GATA4: variants seen among roughly 807,000 people sequenced by gnomAD.
GATA4 encodes transcription factor GATA-4.
A neutral mutation model predicts 37.9 loss-of-function variants in GATA4; 7 were observed. The observed-to-expected ratio is 0.18, with a 90% CI of 0.11 to 0.35. GATA4 has a LOEUF of 0.35. Ranked by LOEUF, GATA4 falls within the 10% of genes least tolerant of loss-of-function variation. The pLI is 1.00. For missense variants in GATA4, 647 were observed against 653.0 expected (o/e 0.99, Z 0.10); for synonymous variants, 372 against 292.6 (o/e 1.27, Z -2.77).
At chr8:11,692,971 C>A (rs1292403892) in intron 1 of GATA4, 1 of 985,206 alleles carries the variant, frequency 1.0e-6, no homozygotes, top group African/African-American at 1.7e-5. Flanking sequence ...GGCGCCGGCC[C>A]CGCGGCCATC....
chr8:11,734,311 C>T (rs912895463), intron 2 of GATA4, among the ~76,000 whole-genome samples: 2 of 152,088 alleles, frequency 1.3e-5, no homozygotes, highest in African/African-American at 4.8e-5. Context: ...AACAGAATAC[C>T]ATAGAATGTG....
At chr8:11,747,612 T>C (rs1008831843) in intron 2 of GATA4, among the ~76,000 whole-genome samples, 1 of 152,126 alleles carries the variant, frequency 6.6e-6, no homozygotes, top group African/African-American at 2.4e-5. Context: ...AGTTAGCAAA[T>C]TCCAAGAACT....
chr8:11,736,362 G>C (rs757798431), intron 2 of GATA4, among the ~76,000 whole-genome samples: 2 of 152,228 alleles, frequency 1.3e-5, no homozygotes, highest in African/African-American at 2.4e-5. Flanking sequence ...CTGCACTTTT[G>C]AGTTGTGGAG....
In GATA4 at chr8:11,750,104, C is replaced by G. The variant is rs778975774; in HGVS notation, c.787-7C>G. ...TGGACATGAAGCATTTGTTTCCTGTCTTGCAGTCCGCCTCCCGCCGAGTGG... is the reference window on the plus strand; with the variant it reads ...TGGACATGAAGCATTTGTTTCCTGTGTTGCAGTCCGCCTCCCGCCGAGTGG... On this transcript the variant is annotated splice_region_variant and splice_polypyrimidine_tract_variant and intron_variant, in intron 3 of 6. Transcript: ENST00000532059. 1 of 1,614,122 alleles carries G rather than the reference C, an allele frequency of 6.2e-7. No individual in the cohort carries two copies.
intron 1 of GATA4, among the ~76,000 whole-genome samples, chr8:11,704,900 T>G (rs901332981): frequency 2.0e-5 from 3 of 152,186 alleles, no homozygotes; most frequent in African/African-American, 7.2e-5. Flanking sequence ...GACTGAATGC[T>G]CCTCTGGAAG....
rs548961496 is a variant in GATA4 at position 11,681,168 on chromosome 8, C to T, written c.-274+4105C>T. Reference sequence around the variant, plus strand: ...CTCCAGCTCCGTTCTGTTCGCAGAACCTTCGGGGGTTAGTCACAGGCCCTG... The same window carrying T: ...CTCCAGCTCCGTTCTGTTCGCAGAATCTTCGGGGGTTAGTCACAGGCCCTG... On this transcript the variant is annotated intron_variant, in intron 1 of 6. Transcript: ENST00000528712. The T allele has an allele frequency of 5.7e-5, 56 of 985,400 alleles. 2 individuals carry two copies. In the South Asian group the frequency reaches 2.4e-3, roughly 42 times the overall value. 61.0% of individuals were successfully genotyped at this position (985,400 alleles called of 1,614,324 possible).
chr8:11,687,709 C>G (rs1366737149), upstream of GATA4, among the ~76,000 whole-genome samples: 2 of 152,160 alleles, frequency 1.3e-5, no homozygotes, highest in Non-Finnish European at 2.9e-5. Flanking sequence ...CAAGTGCTGC[C>G]TCCCTCACCC....
chr8:11,755,276 AG>A, intron 5 of GATA4, 143 bp downstream of exon 5: 1 of 682,474 alleles, frequency 1.5e-6, no homozygotes, highest in East Asian at 2.7e-5. Flanking sequence ...CTTTCAGGAC[AG>A]GATGAAGAGC....
intron 1 of GATA4, among the ~76,000 whole-genome samples, chr8:11,685,658 C>T (rs1799111690): frequency 6.6e-6 from 1 of 152,206 alleles, no homozygotes; most frequent in Admixed American, 6.5e-5. Context: ...AGAGATTCCC[C>T]TCCCCATTTA....
Position 11,739,622 on chromosome 8 carries a change from A to G in GATA4, c.617-9294A>G, listed in dbSNP as rs1375514198. ...TGGCATCTCAGTGGCCGGGCAGCCC[A>G]GCTGGCCGGAAGCCGAGCCCTGGGA... is the stretch of plus-strand genomic sequence containing the variant. On this transcript the variant is annotated intron_variant, in intron 2 of 6. Transcript: ENST00000532059. Among the ~76,000 whole-genome samples the G allele has an allele frequency of 2.0e-5, 3 of 151,462 alleles. No individual in the cohort carries two copies. The East Asian group carries it at 5.8e-4, about 29-fold the overall frequency.
In GATA4 at chr8:11,680,969, G is replaced by A. The variant is rs1427418336; in HGVS notation, c.-274+3906G>A. On this transcript the variant is annotated intron_variant, in intron 1 of 6. Transcript: ENST00000528712. Reference sequence around the variant, plus strand: ...CTGTGTCCCCCAGGTTAGGCTGCTGGTATCTCAATATCCCCCTGCAGAGAG... The same window carrying A: ...CTGTGTCCCCCAGGTTAGGCTGCTGATATCTCAATATCCCCCTGCAGAGAG... The A allele has an allele frequency of 3.1e-6, 3 of 981,904 alleles. No homozygotes were observed. The East Asian group carries it at 3.4e-4, about 112-fold the overall frequency. The allele number at this position is 981,904 out of a possible 1,614,324, so 60.8% of individuals were successfully genotyped here. A position where few individuals can be genotyped will look rare whatever the true frequency, so the allele number is the denominator to read the frequency against.
In GATA4 at chr8:11,708,892, G is replaced by T. The variant is rs1170111987; in HGVS notation, c.580G>T (p.Gly194Cys). The change falls in exon 2 of 7, where the codon GGC becomes TGC. Residue 194 changes from glycine (G) to cysteine (C), a missense_variant. By Grantham distance (159) the Gly-to-Cys change is radical (BLOSUM62 -3). Coordinates refer to ENST00000532059, the MANE Select transcript of GATA4 (RefSeq NM_001308093.3). This position sits in a 1 kb window ranked among gnomAD's most constrained non-coding sequence, Gnocchi z 6.7. ...CAGCCCGGTCCTGCACAGCCTGCCC[G>T]GCCGGGCCAACCCGGCCGCCCGACA... is the stretch of plus-strand genomic sequence containing the variant. ...FDSPVLHSLP[G>C]RANPAARHPN... is the part of the protein sequence containing the mutation. 4 of 1,528,222 alleles carry T rather than the reference G, an allele frequency of 2.6e-6. No homozygotes were observed. Among genetic ancestry groups the T allele is most frequent in the Non-Finnish European group, 3.5e-6 (4 of 1,143,928 alleles). 94.7% of individuals were successfully genotyped at this position (1,528,222 alleles called of 1,614,324 possible).
intron 2 of GATA4, among the ~76,000 whole-genome samples, chr8:11,720,597 C>G (rs1404295014): frequency 6.6e-6 from 1 of 152,168 alleles, no homozygotes; most frequent in Non-Finnish European, 1.5e-5. Flanking sequence ...CGTCTCCCTC[C>G]TCCCACCCTC....
At chr8:11,694,841 C>T (rs935374580) in intron 1 of GATA4, among the ~76,000 whole-genome samples, 1 of 150,590 alleles carries the variant, frequency 6.6e-6, no homozygotes, top group Admixed American at 6.6e-5. Context: ...AATCTCTCTC[C>T]TCTCTCTCTC....
rs550035030 is a variant in GATA4 at position 11,728,326 on chromosome 8, T to C, written c.616+19398T>C. On this transcript the variant is annotated intron_variant, in intron 2 of 6. Transcript: ENST00000532059. Reference sequence around the variant, plus strand: ...TTAAGCCAACCATTAATAAATGCTATTATCATTAAAGGAAATATTGAAAAT... The same window carrying C: ...TTAAGCCAACCATTAATAAATGCTACTATCATTAAAGGAAATATTGAAAAT... Among the ~76,000 whole-genome samples, 4 of 152,344 alleles carry C rather than the reference T, an allele frequency of 2.6e-5. No individual in the cohort carries two copies. The South Asian group carries it at 8.3e-4, about 32-fold the overall frequency.
intron 4 of GATA4, among the ~76,000 whole-genome samples, chr8:11,754,827 A>G (rs1314760442): frequency 6.6e-6 from 1 of 152,184 alleles, no homozygotes; most frequent in Non-Finnish European, 1.5e-5. Flanking sequence ...GGCTCTAGTA[A>G]AGTAGCCATC....
chr8:11,737,130 A>AT (rs1164897241), intron 2 of GATA4, among the ~76,000 whole-genome samples: 2 of 151,244 alleles, frequency 1.3e-5, no homozygotes, highest in African/African-American at 4.9e-5. Context: ...CCTCGGTTTG[A>AT]TTAAGTAATC....
intron 2 of GATA4, among the ~76,000 whole-genome samples, chr8:11,714,389 C>G (rs118180834): frequency 6.6e-6 from 1 of 152,272 alleles, no homozygotes; most frequent in East Asian, 1.9e-4. Flanking sequence ...CAGTGAAAAA[C>G]CCCGAAGTGT....
intron 2 of GATA4, among the ~76,000 whole-genome samples, chr8:11,726,785 T>C (rs375943501): frequency 5.3e-5 from 8 of 152,334 alleles, no homozygotes; most frequent in Admixed American, 2.0e-4. Flanking sequence ...ACTTGATCCC[T>C]TGATGCTCTG....
Sources: allele counts gnomAD v4.1 joint callset (sites outside exome capture counted in the v4.1 genomes callset), GRCh38; gene constraint gnomAD v4.1.1; non-coding constraint Gnocchi (gnomAD v3.1); transcripts MANE v1.5; gene names NCBI Gene and HGNC (gene_info 2026-07-23, HGNC 2026-07-21).